LINGO2: variants seen among roughly 807,000 people sequenced by gnomAD.
LINGO2 encodes leucine rich repeat and Ig domain containing 2, also known as leucine-rich repeat and immunoglobulin-like domain-containing nogo receptor-interacting protein 2.
In LINGO2, 14 loss-of-function variants were observed where a neutral mutation model predicts 30.6. The ratio of observed to expected loss-of-function variants is 0.46; its 90% CI spans 0.30 to 0.72. The LOEUF (loss-of-function observed/expected upper bound fraction) is 0.72, where lower values mean the gene tolerates loss of function less well. Ranked by LOEUF, LINGO2 falls within the 30% of genes least tolerant of loss-of-function variation. The pLI, the probability that LINGO2 is intolerant of heterozygous loss-of-function variation, is 0.07. For synonymous variants in LINGO2, 317 were observed against 288.5 expected (o/e 1.10, Z -1.00); for missense variants, 729 against 751.7 (o/e 0.97, Z 0.35).
chr9:28,465,020 C>T (rs1333224518), intron 2 of LINGO2, among the ~76,000 whole-genome samples: 3 of 152,166 alleles, frequency 2.0e-5, no homozygotes, highest in Non-Finnish European at 4.4e-5. Context: ...GCGCCGCCCC[C>T]CCGCCCCACA....
In LINGO2 at chr9:28,294,375, C is replaced by T. The variant is rs10968454; in HGVS notation, c.-87+833G>A. Among the ~76,000 whole-genome samples the T allele has an allele frequency of 0.016, 2,442 of 152,154 alleles. 146 individuals carry two copies. In the East Asian group the frequency reaches 0.19, roughly 12 times the overall value. ...TAAAGGAATTTTACATACTTTTTTC[C>T]GTTTCTATACTTGAACTTAAAGAAA... On this transcript the variant is annotated intron_variant, in intron 4 of 5. Coordinates refer to ENST00000379992, the Ensembl canonical transcript of LINGO2.
the LINGO2 span, among the ~76,000 whole-genome samples, chr9:28,835,932 T>C: frequency 3.9e-5 from 6 of 152,210 alleles, no homozygotes; most frequent in African/African-American, 1.4e-4. Flanking sequence ...CAGCTCATGA[T>C]TTCTTTGATG....
At chr9:28,875,929 A>G in the LINGO2 span, among the ~76,000 whole-genome samples, 1 of 152,114 alleles carries the variant, frequency 6.6e-6, no homozygotes. Flanking sequence ...AGCCATTCAC[A>G]TTTCATTTAA....
chr9:28,211,980 A>G (rs1301168760), intron 4 of LINGO2, among the ~76,000 whole-genome samples: 1 of 151,152 alleles, frequency 6.6e-6, no homozygotes, highest in Non-Finnish European at 1.5e-5. Flanking sequence ...TTACTTTTGC[A>G]CCAACCTAAT....
chr9:29,018,944 C>A, the LINGO2 span, among the ~76,000 whole-genome samples: 1 of 152,114 alleles, frequency 6.6e-6, no homozygotes, highest in South Asian at 2.1e-4. Context: ...GCTCTTCTCA[C>A]TTTTATTTTC....
rs534431107 is a variant in LINGO2, at chr9:28,630,912, A to G, written c.-365+39288T>C. On this transcript the variant is annotated intron_variant, in intron 1 of 5. Coordinates refer to ENST00000379992, the Ensembl canonical transcript of LINGO2. ...TAAAGAAAAAAAAAAAAGTAGCCCC[A>G]TGGAGAGCATAAAATATTCACCCCC... 5.3e-5 allele frequency among the ~76,000 whole-genome samples: 8 copies of G among 151,776 alleles called. No homozygotes were observed. In the East Asian group the frequency reaches 1.5e-3, roughly 29 times the overall value.
At chr9:29,045,529 C>T in the LINGO2 span, among the ~76,000 whole-genome samples, 1 of 151,292 alleles carries the variant, frequency 6.6e-6, no homozygotes, top group East Asian at 1.9e-4. Context: ...AACATATGAC[C>T]ATTTCAATAG....
intron 4 of LINGO2, among the ~76,000 whole-genome samples, chr9:28,048,063 G>T (rs10968304): frequency 6.6e-6 from 1 of 150,784 alleles, no homozygotes; most frequent in Non-Finnish European, 1.5e-5. Flanking sequence ...ACTTAAAACT[G>T]CATGTACTGG....
the LINGO2 span, among the ~76,000 whole-genome samples, chr9:28,923,470 C>A: frequency 1.3e-5 from 2 of 152,104 alleles, no homozygotes; most frequent in African/African-American, 4.8e-5. Context: ...AGGAAAAAAT[C>A]TTTTAGCCCC....
At chr9:28,022,848 CTG>C (rs1207715872) in intron 4 of LINGO2, among the ~76,000 whole-genome samples, 1 of 142,714 alleles carries the variant, frequency 7.0e-6, no homozygotes, top group Non-Finnish European at 1.5e-5. Flanking sequence ...TCCTACAACT[CTG>C]GATGTTCTCT....
chr9:29,008,985 G>A, the LINGO2 span, among the ~76,000 whole-genome samples: 758 of 152,070 alleles, frequency 5.0e-3, 11 homozygotes, highest in African/African-American at 0.017. Context: ...ATTCAACAGC[G>A]CTTCATGCTA....
the LINGO2 span, among the ~76,000 whole-genome samples, chr9:29,140,919 GT>G: frequency 6.6e-6 from 1 of 151,912 alleles, no homozygotes; most frequent in Non-Finnish European, 1.5e-5. Context: ...GGAAAATACT[GT>G]ACCCCAGAAA....
intron 1 of LINGO2, among the ~76,000 whole-genome samples, chr9:28,608,683 C>A (rs893193488): frequency 6.6e-6 from 1 of 151,884 alleles, no homozygotes; most frequent in Non-Finnish European, 1.5e-5. Context: ...AATGAAACAT[C>A]ATTTGTTCTA....
At chr9:28,466,031 C>A (rs528681677) in intron 2 of LINGO2, among the ~76,000 whole-genome samples, 1 of 152,056 alleles carries the variant, frequency 6.6e-6, no homozygotes, top group East Asian at 1.9e-4. Flanking sequence ...ATTAGTACAA[C>A]CACTATGGAG....
intron 5 of LINGO2, among the ~76,000 whole-genome samples, chr9:27,958,859 A>G (rs1819705013): frequency 6.6e-6 from 1 of 152,058 alleles, no homozygotes; most frequent in African/African-American, 2.4e-5. Context: ...TTTGTATAGA[A>G]TTTTTATTAT....
chr9:28,730,913 C>T, the LINGO2 span, among the ~76,000 whole-genome samples: 148 of 152,182 alleles, frequency 9.7e-4, no homozygotes, highest in African/African-American at 3.2e-3. Context: ...AATGGTACAA[C>T]AGCTCTGGAA....
the LINGO2 span, among the ~76,000 whole-genome samples, chr9:28,989,113 A>G: frequency 2.0e-5 from 3 of 152,184 alleles, no homozygotes; most frequent in African/African-American, 7.2e-5. Flanking sequence ...ATATTATATC[A>G]AGATTATTTT....
At chr9:28,090,812 AC>A (rs1196922744) in intron 4 of LINGO2, among the ~76,000 whole-genome samples, 1 of 152,156 alleles carries the variant, frequency 6.6e-6, no homozygotes, top group Non-Finnish European at 1.5e-5. Context: ...ATATCAGAAA[AC>A]CCCATCGTCT....
chr9:28,098,013 C>T (rs1444133668), intron 4 of LINGO2, among the ~76,000 whole-genome samples: 1 of 151,996 alleles, frequency 6.6e-6, no homozygotes, highest in Non-Finnish European at 1.5e-5. Context: ...TTTTAAAAAT[C>T]GATACCAAAG....
Sources: gnomAD v4.1 joint callset for allele counts (sites outside exome capture counted in the v4.1 genomes callset) on GRCh38, gnomAD v4.1.1 for gene constraint, MANE v1.5 for transcripts, NCBI Gene and HGNC (gene_info 2026-07-23, HGNC 2026-07-21) for gene names.